The following GRAMD4 variants were observed in gnomAD, a reference collection of about 807,000 sequenced individuals.
GRAMD4 encodes GRAM domain-containing protein 4.
Under a neutral mutation model 83.9 loss-of-function variants are expected in GRAMD4, and 25 were observed. The ratio of observed to expected loss-of-function variants is 0.30; its 90% confidence interval spans 0.22 to 0.42. The LOEUF is 0.42. Among genes scored for constraint, GRAMD4 ranks in the 10% least tolerant of loss-of-function variants. The pLI is 1.00. For synonymous variants in GRAMD4, 336 were observed against 320.9 expected (o/e 1.05, Z -0.50); for missense variants, 593 against 788.7 (o/e 0.75, Z 2.97).
At chr22:46,671,222 C>A (rs571106746) in intron 13 of GRAMD4, 97 of 350,744 alleles carry the variant, frequency 2.8e-4, no homozygotes, top group African/African-American at 1.8e-3. Flanking sequence ...CTGGCCCTGC[C>A]CCTCCTCACA....
chr22:46,577,246 G>T (rs894949751), exon 1 of GRAMD4: 19 of 977,060 alleles, frequency 1.9e-5, no homozygotes, highest in Non-Finnish European at 2.2e-5. Flanking sequence ...GGCGAGGGGG[G>T]CGCCGCGGCG....
At position 46,678,126 on chromosome 22, in the gene GRAMD4, G is replaced by A; in HGVS notation, c.*875G>A. 8 of 985,658 alleles carry A rather than the reference G, an allele frequency of 8.1e-6. No homozygotes were observed. The highest frequency in any genetic ancestry group is 8.4e-6 in the Non-Finnish European group (7 of 830,078). The allele number at this position is 985,658 out of a possible 1,614,324, so 61.1% of individuals were successfully genotyped here. A position where few individuals can be genotyped will look rare whatever the true frequency, so the allele number is the denominator to read the frequency against. The stretch of plus-strand genomic sequence containing the variant: ...AACATCCGCGAAGGCTGTTGGAGGT[G>A]CTCCGAGCACTGTGGCATGTCTGGC... On this transcript the variant is annotated 3_prime_UTR_variant, in exon 19 of 19. Coordinates refer to ENST00000406902, the MANE Select transcript of GRAMD4 (RefSeq NM_015124.5).
intron 13 of GRAMD4, among the ~76,000 whole-genome samples, chr22:46,669,915 T>C (rs901678828): frequency 1.3e-5 from 2 of 152,202 alleles, no homozygotes; most frequent in African/African-American, 4.8e-5. Flanking sequence ...GTTTCTTTTC[T>C]TTTCTTTCTC....
intron 3 of GRAMD4, among the ~76,000 whole-genome samples, chr22:46,655,933 A>G (rs991001623): frequency 9.9e-5 from 15 of 151,772 alleles, no homozygotes; most frequent in African/African-American, 3.6e-4. Flanking sequence ...CCGCGGAGAA[A>G]AGTAGCCGTG....
At chr22:46,590,897 C>T (rs2081200571) in intron 1 of GRAMD4, among the ~76,000 whole-genome samples, 1 of 152,086 alleles carries the variant, frequency 6.6e-6, no homozygotes, top group African/African-American at 2.4e-5. Flanking sequence ...TCTGTCTCTA[C>T]TAAAAATACA....
At chr22:46,673,128 A>C in intron 14 of GRAMD4, 131 bp downstream of exon 14, 1 of 771,896 alleles carries the variant, frequency 1.3e-6, no homozygotes. Context: ...GACTCCTTAA[A>C]CTTGAGGGTT....
intron 1 of GRAMD4, among the ~76,000 whole-genome samples, chr22:46,581,290 C>G (rs574527725): frequency 3.3e-5 from 5 of 152,258 alleles, no homozygotes; most frequent in Non-Finnish European, 7.3e-5. Flanking sequence ...GCACAGCAGG[C>G]CTGCGCTGAG....
At chr22:46,658,684 C>T (rs1013241447) in intron 4 of GRAMD4, among the ~76,000 whole-genome samples, 8 of 152,116 alleles carry the variant, frequency 5.3e-5, no homozygotes, top group Admixed American at 5.2e-4. Flanking sequence ...TCTGTACATC[C>T]ACCCAGTGCC....
intron 15 of GRAMD4, 37 bp downstream of exon 15, chr22:46,673,851 C>G: frequency 6.2e-7 from 1 of 1,608,982 alleles, no homozygotes; most frequent in Non-Finnish European, 8.5e-7. Flanking sequence ...GGCCGAGCGC[C>G]GACACAGACT....
chr22:46,601,005 A>C (rs555046549), intron 1 of GRAMD4, among the ~76,000 whole-genome samples: 1 of 152,088 alleles, frequency 6.6e-6, no homozygotes, highest in East Asian at 1.9e-4. Flanking sequence ...TTAGCCAGAC[A>C]TGGTGGCAGG....
intron 1 of GRAMD4, among the ~76,000 whole-genome samples, chr22:46,624,356 C>T (rs557905744): frequency 4.4e-4 from 34 of 76,620 alleles, no homozygotes; most frequent in Admixed American, 7.3e-4. Context: ...TTTTCTGAGA[C>T]GGAGTCTCAC....
chr22:46,646,764 T>G (rs1178431099), intron 3 of GRAMD4, among the ~76,000 whole-genome samples: 3 of 152,204 alleles, frequency 2.0e-5, no homozygotes, highest in Non-Finnish European at 4.4e-5. Context: ...TTAGTGTGTT[T>G]TCACGCTGCT....
intron 2 of GRAMD4, among the ~76,000 whole-genome samples, chr22:46,628,247 C>T (rs1229951760): frequency 6.6e-6 from 1 of 152,224 alleles, no homozygotes; most frequent in Non-Finnish European, 1.5e-5. Flanking sequence ...TCCGTCTGTC[C>T]TGCTCCAGGT....
At chr22:46,609,244 G>A (rs145480242) in intron 1 of GRAMD4, among the ~76,000 whole-genome samples, 55 of 152,262 alleles carry the variant, frequency 3.6e-4, no homozygotes, top group African/African-American at 1.2e-3. Context: ...GGCCTCAGGC[G>A]ATCCTGTTGC....
At chr22:46,624,948 CCTCCTGGGTTCATGCCATT>C (rs1257301473) in intron 1 of GRAMD4, among the ~76,000 whole-genome samples, 1 of 151,668 alleles carries the variant, frequency 6.6e-6, no homozygotes, top group African/African-American at 2.4e-5. Context: ...TCAAGCTCCG[CCTCCTGGGTTCATGCCATT>C]CTCCTGCCTC....
chr22:46,609,652 G>A lies in GRAMD4; in HGVS notation c.-49-17099G>A, dbSNP rs111962334. Among the ~76,000 whole-genome samples the A allele has an allele frequency of 8.6e-3, 1,311 of 152,330 alleles. 20 individuals are homozygous for A. Among genetic ancestry groups the A allele is most frequent in the African/African-American group, 0.03 (1,262 of 41,566 alleles). On this transcript the variant is annotated intron_variant, in intron 1 of 1. Coordinates refer to the GRAMD4 transcript ENST00000431155. ...GTGCTGGGCCCCAGGGACACGGCAC[G>A]CTGATGGTCAGAGAGGCCCACGCAC...
At chr22:46,645,908 G>A (rs191773887) in intron 3 of GRAMD4, among the ~76,000 whole-genome samples, 236 of 152,372 alleles carry the variant, frequency 1.5e-3, no homozygotes, top group Middle Eastern at 3.4e-3. Context: ...CTGCGCGCAG[G>A]CTCTGGGAGG....
intron 1 of GRAMD4, among the ~76,000 whole-genome samples, chr22:46,582,974 G>A (rs959389849): frequency 6.6e-6 from 1 of 152,134 alleles, no homozygotes; most frequent in Admixed American, 6.5e-5. Context: ...GCCCAGGCTG[G>A]AGTGCAATGG....
At chr22:46,628,265 C>T (rs1426950202) in intron 2 of GRAMD4, among the ~76,000 whole-genome samples, 3 of 151,884 alleles carry the variant, frequency 2.0e-5, no homozygotes, top group African/African-American at 4.8e-5. Flanking sequence ...GGTGTTGTCT[C>T]GGTAGGGACC....
Sources: gnomAD v4.1 joint callset for allele counts (sites outside exome capture counted in the v4.1 genomes callset) on GRCh38, gnomAD v4.1.1 for gene constraint, MANE v1.5 for transcripts, NCBI Gene and HGNC (gene_info 2026-07-23, HGNC 2026-07-21) for gene names.